FAIM2: variants seen among roughly 807,000 people sequenced by gnomAD.
The protein encoded by FAIM2 is Fas apoptotic inhibitory molecule 2.
In FAIM2, 27 loss-of-function variants were observed where a neutral mutation model predicts 47.4. The ratio of observed to expected loss-of-function variants is 0.57; its 90% CI spans 0.42 to 0.78. The LOEUF (loss-of-function observed/expected upper bound fraction) is 0.78. Ranked by LOEUF, FAIM2 falls within the 30% of genes least tolerant of loss-of-function variation. The pLI is 0.00. For missense variants in FAIM2, 311 were observed against 389.4 expected (o/e 0.80, Z 1.69); for synonymous variants, 156 against 159.3 (o/e 0.98, Z 0.16).
intron 5 of FAIM2, among the ~76,000 whole-genome samples, chr12:49,894,216 T>C (rs1207873392): frequency 6.6e-6 from 1 of 152,160 alleles, no homozygotes; most frequent in East Asian, 1.9e-4. Flanking sequence ...TTCAAGCACT[T>C]TGCGTGGGCC....
rs770378669 is a variant in FAIM2, at chr12:49,889,587, A to C, written c.564-19T>G. On this transcript the variant is annotated intron_variant, in intron 8 of 11. Transcript: ENST00000320634. The stretch of plus-strand genomic sequence containing the variant: ...GTAGTAGCTGAGGACCGTCAGGCCG[A>C]GGGGTCAGCTCTCAGGCAGGGCATC... 6.2e-7 allele frequency: 1 copy of C among 1,609,742 alleles called. No homozygotes were observed. The highest frequency in any genetic ancestry group is 1.1e-5 in the South Asian group (1 of 90,976).
chr12:49,884,467 T>G (rs1261012452), intron 11 of FAIM2, among the ~76,000 whole-genome samples: 1 of 152,132 alleles, frequency 6.6e-6, no homozygotes, highest in Non-Finnish European at 1.5e-5. Flanking sequence ...GTTCCTATGT[T>G]AATGGGACTA....
chr12:49,888,914 T>G (rs1946879822), intron 10 of FAIM2, among the ~76,000 whole-genome samples, 193 bp downstream of exon 10: 2 of 152,184 alleles, frequency 1.3e-5, no homozygotes, highest in Non-Finnish European at 2.9e-5. Flanking sequence ...TACCCAGGCC[T>G]GACAAGAAAA....
chr12:49,890,755 T>C, intron 6 of FAIM2, 33 bp from the exon 7 acceptor site: 2 of 1,609,192 alleles, frequency 1.2e-6, no homozygotes, highest in Non-Finnish European at 1.7e-6. Flanking sequence ...CAGGGGATCG[T>C]AGGGGGTGGG....
intron 5 of FAIM2, among the ~76,000 whole-genome samples, chr12:49,894,138 A>T (rs1946919405): frequency 6.6e-6 from 1 of 152,184 alleles, no homozygotes; most frequent in African/African-American, 2.4e-5. Context: ...CCCAGTTTCC[A>T]CTTTAGCGAA....
At chr12:49,880,519 CAT>C (rs1456914090) in intron 11 of FAIM2, among the ~76,000 whole-genome samples, 2 of 75,742 alleles carry the variant, frequency 2.6e-5, no homozygotes, top group Non-Finnish European at 5.1e-5. Context: ...TGTGTATGTG[CAT>C]GTGTATATGT....
intron 1 of FAIM2, 41 bp downstream of exon 1, chr12:49,903,737 C>T (rs779978966): frequency 2.6e-6 from 4 of 1,550,592 alleles, no homozygotes; most frequent in South Asian, 1.2e-5. Flanking sequence ...AGCCGGGAGC[C>T]GGAGGATGGA....
At chr12:49,879,487 AGT>A (rs1366141505) in intron 11 of FAIM2, among the ~76,000 whole-genome samples, 1 of 8,656 alleles carries the variant, frequency 1.2e-4, no homozygotes, top group Non-Finnish European at 1.7e-4. Context: ...TGTGCATGTG[AGT>A]GTATGTGTGT....
chr12:49,899,250 C>T (rs1946964157), intron 2 of FAIM2, among the ~76,000 whole-genome samples: 1 of 152,210 alleles, frequency 6.6e-6, no homozygotes, highest in Non-Finnish European at 1.5e-5. Context: ...ATGTGCCCCT[C>T]ATCGTGGCCA....
At chr12:49,892,444 T>C (rs1199093335) in intron 5 of FAIM2, among the ~76,000 whole-genome samples, 1 of 152,142 alleles carries the variant, frequency 6.6e-6, no homozygotes. Context: ...CCCTCCTCCA[T>C]CTTCCGAGCC....
At position 49,889,438 on chromosome 12, in the gene FAIM2, A is replaced by G. The variant is rs1946884099; in HGVS notation, c.651+43T>C. 9.0e-6 allele frequency: 14 copies of G among 1,559,040 alleles called. No homozygotes were observed. In the East Asian group the frequency reaches 3.1e-4, roughly 35 times the overall value. On this transcript the variant is annotated intron_variant, in intron 9 of 11. Transcript: ENST00000320634. ...CCACCCCATCTGCCTTCCCCTGCTCAGCCTCAGGCCAGGGGTCCCTGCCTG... is the reference window on the plus strand; with the variant it reads ...CCACCCCATCTGCCTTCCCCTGCTCGGCCTCAGGCCAGGGGTCCCTGCCTG...
intron 11 of FAIM2, among the ~76,000 whole-genome samples, chr12:49,877,894 A>G (rs1457999643): frequency 6.9e-6 from 1 of 145,594 alleles, no homozygotes; most frequent in East Asian, 2.1e-4. Context: ...GTATGTGGGT[A>G]TGTGTGTGTA....
chr12:49,880,724 A>ATGTGTATG (rs1555158673), intron 11 of FAIM2, among the ~76,000 whole-genome samples: 26 of 62,066 alleles, frequency 4.2e-4, no homozygotes, highest in Admixed American at 5.0e-4. Context: ...ATGCGTGTAT[A>ATGTGTATG]TGTGTGTGTG....
intron 5 of FAIM2, among the ~76,000 whole-genome samples, chr12:49,894,423 G>C (rs1946921305): frequency 1.3e-5 from 2 of 152,164 alleles, no homozygotes; most frequent in South Asian, 4.1e-4. Flanking sequence ...AGACAATAAG[G>C]TGAGAACCAA....
Position 49,879,018 on chromosome 12 carries a change from GTGTA to G in FAIM2, c.801+8364_802-8366del, listed in dbSNP as rs1470995560. Among the ~76,000 whole-genome samples the G allele has an allele frequency of 2.2e-5, 3 of 135,028 alleles. 1 individual carries two copies. The highest frequency in any genetic ancestry group is 4.7e-5 in the Non-Finnish European group (3 of 64,192). 88.6% of individuals were successfully genotyped at this position (135,028 alleles called of 152,430 possible). On this transcript the variant is annotated intron_variant, in intron 11 of 11. Transcript: ENST00000320634. ...TATCTGTGTATGTGCATGTGTGTAT[GTGTA>G]TGTGTGTGTCTGTGTGCATGAGTTT...
chr12:49,898,760 C>T (rs1946960105), intron 2 of FAIM2, among the ~76,000 whole-genome samples: 1 of 152,022 alleles, frequency 6.6e-6, no homozygotes, highest in African/African-American at 2.4e-5. Context: ...ACTCCTGAGC[C>T]CAAGCAATCC....
intron 9 of FAIM2, 118 bp downstream of exon 9, chr12:49,889,363 C>T (rs1946883503): frequency 9.4e-7 from 1 of 1,058,806 alleles, no homozygotes; most frequent in Non-Finnish European, 1.4e-6. Context: ...CCAAACCCAA[C>T]TCACCCCCTT....
intron 6 of FAIM2, 94 bp downstream of exon 6, chr12:49,890,970 C>A: frequency 7.8e-7 from 1 of 1,280,536 alleles, no homozygotes; most frequent in South Asian, 1.2e-5. Flanking sequence ...CCTCTCAGGG[C>A]TGCACAGCTC....
chr12:49,900,651 C>T (rs1266970790), intron 2 of FAIM2, among the ~76,000 whole-genome samples: 1 of 152,136 alleles, frequency 6.6e-6, no homozygotes, highest in Non-Finnish European at 1.5e-5. Context: ...ACCCCTATCC[C>T]CCAACAGCCC....
Sources: allele counts gnomAD v4.1 joint callset (sites outside exome capture counted in the v4.1 genomes callset), GRCh38; gene constraint gnomAD v4.1.1; transcripts MANE v1.5; gene names NCBI Gene and HGNC (gene_info 2026-07-23, HGNC 2026-07-21).